The following HPD variants were observed in gnomAD, a reference collection of about 807,000 sequenced individuals.
HPD encodes the protein 4-hydroxyphenylpyruvate dioxygenase.
HPD carries 35 observed loss-of-function variants against 56.9 expected under a neutral mutation model. The ratio of observed to expected loss-of-function variants is 0.62; its 90% CI spans 0.47 to 0.82. The LOEUF is 0.82. HPD is among the 40% of genes least tolerant of loss of function. HPD has a pLI of 0.00. For synonymous variants in HPD, 186 were observed against 200.2 expected (o/e 0.93, Z 0.60); for missense variants, 442 against 506.8 (o/e 0.87, Z 1.23).
At chr12:121,859,488 A>C (rs759134038), upstream of HPD, among the ~76,000 whole-genome samples, 2 of 151,684 alleles carry the variant, frequency 1.3e-5, no homozygotes, top group Non-Finnish European at 3.0e-5. Flanking sequence ...TTCCTAGGCC[A>C]TGAGGTCAGC....
rs1273780540 is a variant in HPD, at chr12:121,854,113, G to A, written c.414+590C>T. 2.6e-5 allele frequency among the ~76,000 whole-genome samples: 4 copies of A among 151,858 alleles called. 1 individual carries two copies. The East Asian group carries it at 5.8e-4, about 22-fold the overall frequency. On this transcript the variant is annotated intron_variant, in intron 7 of 13. Coordinates refer to ENST00000289004, the MANE Select transcript of HPD (RefSeq NM_002150.3). ...AAATACAAAAAAGAAAAAATTAGCCGGGCATGGTGGCACGCACTTGTGGTC... is the reference window on the plus strand; with the variant it reads ...AAATACAAAAAAGAAAAAATTAGCCAGGCATGGTGGCACGCACTTGTGGTC...
intron 2 of HPD, among the ~76,000 whole-genome samples, chr12:121,858,400 G>T (rs1225440070): frequency 1.3e-5 from 2 of 152,084 alleles, no homozygotes; most frequent in Non-Finnish European, 2.9e-5. Context: ...GACCAGGCTG[G>T]TCTCGAACTC....
At chr12:121,844,320 C>T (rs12299502) in intron 11 of HPD, among the ~76,000 whole-genome samples, 4,843 of 152,042 alleles carry the variant, frequency 0.032, 238 homozygotes, top group African/African-American at 0.11. Context: ...GCTGGGATTA[C>T]AGGCGTGAGC....
chr12:121,849,934 C>A, intron 7 of HPD, 144 bp from the exon 8 acceptor site: 1 of 682,634 alleles, frequency 1.5e-6, no homozygotes. Context: ...AGTCACTTCT[C>A]CTTTCTGAAA....
intron 11 of HPD, among the ~76,000 whole-genome samples, chr12:121,845,707 C>A (rs1457826571): frequency 6.6e-6 from 1 of 151,958 alleles, no homozygotes; most frequent in East Asian, 1.9e-4. Context: ...CAGTGTCTGA[C>A]CCCCCAATTT....
Position 121,839,800 on chromosome 12 carries a change from A to T in HPD, c.1110T>A (p.Ala370=). Residue 370 remains alanine (A), a synonymous_variant, in exon 14 of 14, where the codon GCT becomes GCA. Transcript: ENST00000289004. ...GAGNFNSLFK[A]FEEEQNLRGN... is the part of the protein sequence containing the mutation. ...CCCGCAGGTTCTGCTCCTCCTCGAA[A>T]GCCTTGAACAGTGAGTTGAAGTTGC... 6.2e-7 allele frequency: 1 copy of T among 1,614,170 alleles called. No individual in the cohort carries two copies. Among genetic ancestry groups the T allele is most frequent in the South Asian group, 1.1e-5 (1 of 91,088 alleles).
At chr12:121,842,315 G>A (rs1170372500) in intron 12 of HPD, among the ~76,000 whole-genome samples, 1 of 151,732 alleles carries the variant, frequency 6.6e-6, no homozygotes, top group Non-Finnish European at 1.5e-5. Flanking sequence ...TTTTTTTGTA[G>A]ATACAGGGTC....
chr12:121,863,385 A>G (rs1369695830), upstream of HPD: 1 of 152,016 alleles, frequency 6.6e-6, no homozygotes, highest in Non-Finnish European at 1.5e-5. Flanking sequence ...CCTTCCACGC[A>G]CTCCTTCAGA....
intron 4 of HPD, chr12:121,857,091 T>C (rs181654490): frequency 5.6e-6 from 3 of 536,210 alleles, no homozygotes; most frequent in Non-Finnish European, 1.0e-5. Flanking sequence ...TTTTGTTTTT[T>C]TTTGTTGAGA....
chr12:121,841,194 C>G (rs1345580430), intron 12 of HPD, among the ~76,000 whole-genome samples: 1 of 137,928 alleles, frequency 7.3e-6, no homozygotes, highest in Non-Finnish European at 1.5e-5. Flanking sequence ...GAGCAAGACT[C>G]TGTCTCAAAA....
At chr12:121,857,516 C>T in intron 3 of HPD, 84 bp from the exon 4 acceptor site, 1 of 1,099,022 alleles carries the variant, frequency 9.1e-7, no homozygotes, top group East Asian at 2.4e-5. Flanking sequence ...TGGCCCCCCT[C>T]AGCCTGCCTG....
Position 121,839,790 on chromosome 12 carries a change from C to T in HPD, c.1120G>A (p.Glu374Lys), listed in dbSNP as rs1020099831. 5 of 1,614,214 alleles carry T rather than the reference C, an allele frequency of 3.1e-6. No individual in the cohort carries two copies. The highest frequency in any genetic ancestry group is 3.4e-6 in the Non-Finnish European group (4 of 1,180,038). Residue 374 changes from glutamate to lysine, a missense_variant, in exon 14 of 14, where the codon GAG (glutamate) becomes AAG (lysine). By Grantham distance (56) the Glu-to-Lys change is moderately conservative (BLOSUM62 1). Transcript: ENST00000289004. ...GTGAGGTTACCCCGCAGGTTCTGCT[C>T]CTCCTCGAAAGCCTTGAACAGTGAG... Reference protein sequence around the residue: ...FNSLFKAFEEEQNLRGNLTNM... With the variant: ...FNSLFKAFEEKQNLRGNLTNM...
chr12:121,853,896 G>T lies in HPD; in HGVS notation c.414+807C>A, dbSNP rs535800083. Among the ~76,000 whole-genome samples the T allele has an allele frequency of 1.8e-4, 26 of 145,160 alleles. 1 individual carries two copies. The highest frequency in any genetic ancestry group is 1.5e-3 in the Admixed American group (22 of 14,430). On this transcript the variant is annotated intron_variant, in intron 7 of 13. Transcript: ENST00000289004. The stretch of plus-strand genomic sequence containing the variant: ...AGGTTGCAGTGAGCTGAGATCACGC[G>T]ACTGCACTCCAGCCTGGGCGACAGA...
chr12:121,879,572 G>T, the HPD span, among the ~76,000 whole-genome samples: 1 of 151,226 alleles, frequency 6.6e-6, no homozygotes. Context: ...GAGTGCAGTG[G>T]TGTGATCAGC....
At chr12:121,845,821 T>C (rs1224270630) in intron 11 of HPD, among the ~76,000 whole-genome samples, 4 of 152,150 alleles carry the variant, frequency 2.6e-5, no homozygotes, top group Non-Finnish European at 5.9e-5. Context: ...TTTTGTTTAT[T>C]GCTCCACAAG....
chr12:121,842,960 C>T lies in HPD; in HGVS notation c.954+750G>A, dbSNP rs1877458082. Among the ~76,000 whole-genome samples the T allele has an allele frequency of 1.3e-5, 2 of 151,760 alleles. 1 individual carries two copies. The highest frequency in any genetic ancestry group is 4.8e-5 in the African/African-American group (2 of 41,274). On this transcript the variant is annotated intron_variant, in intron 12 of 13. Coordinates refer to ENST00000289004, the MANE Select transcript of HPD (RefSeq NM_002150.3). ...GCAGGGTTTCACCATGTTGGTCAGG[C>T]TGGTCTCGAACTCCTGACCTCATGA...
chr12:121,863,183 C>T (rs374329291), upstream of HPD, among the ~76,000 whole-genome samples: 1 of 151,946 alleles, frequency 6.6e-6, no homozygotes, highest in African/African-American at 2.4e-5. Context: ...AGGGCTTCGC[C>T]ATGTTGGCGA....
chr12:121,846,205 T>G (rs150105229), intron 11 of HPD, among the ~76,000 whole-genome samples: 40 of 152,278 alleles, frequency 2.6e-4, no homozygotes, highest in Admixed American at 2.6e-3. Context: ...AGTCCTAATT[T>G]CCTTTATTAA....
upstream of HPD, among the ~76,000 whole-genome samples, chr12:121,864,073 CAAA>C (rs748278452): frequency 4.2e-5 from 3 of 71,292 alleles, no homozygotes; most frequent in East Asian, 4.7e-4. Flanking sequence ...ACTAAAAATA[CAAA>C]AAAAAAAAAA....
Sources: allele counts gnomAD v4.1 joint callset (sites outside exome capture counted in the v4.1 genomes callset), GRCh38; gene constraint gnomAD v4.1.1; transcripts MANE v1.5; gene names NCBI Gene and HGNC (gene_info 2026-07-23, HGNC 2026-07-21).